Variants in ZFP64 observed in about 807,000 individuals in gnomAD.
ZFP64 encodes the protein zinc finger protein 64.
A neutral mutation model predicts 51.6 loss-of-function variants in ZFP64; 14 were observed. The ratio of observed to expected loss-of-function variants is 0.27; its 90% confidence interval spans 0.18 to 0.42. The LOEUF is 0.42. Ranked by LOEUF, ZFP64 falls within the 10% of genes least tolerant of loss-of-function variation. The pLI is 1.00. For missense variants in ZFP64, 754 were observed against 906.8 expected (o/e 0.83, Z 2.16); for synonymous variants, 375 against 361.4 (o/e 1.04, Z -0.43).
At chr20:52,135,533 G>A (rs925907128) in intron 5 of ZFP64, among the ~76,000 whole-genome samples, 4 of 152,050 alleles carry the variant, frequency 2.6e-5, no homozygotes, top group Non-Finnish European at 2.9e-5. Flanking sequence ...AGTCTGGAGT[G>A]CAGTGGTGTG....
intron 7 of ZFP64, among the ~76,000 whole-genome samples, chr20:52,090,748 G>A (rs1027735855): frequency 1.3e-5 from 2 of 151,422 alleles, no homozygotes; most frequent in Admixed American, 6.6e-5. Context: ...GCAGTGAGCC[G>A]AGATCGTGCC....
rs771671628 is a variant in ZFP64, at chr20:52,111,197, ATTTTTTTTTTTT to A, written c.764-12622_764-12611del. The A allele has an allele frequency of 1.5e-5, 7 of 466,594 alleles. No individual in the cohort carries two copies. The East Asian group carries it at 1.5e-4, about 10-fold the overall frequency. 28.9% of individuals were successfully genotyped at this position (466,594 alleles called of 1,614,324 possible). On this transcript the variant is annotated intron_variant, in intron 5 of 8. Transcript: ENST00000361387. Reference sequence around the variant, plus strand: ...GGAGAACGCCCCAAGTCAGCGGTCAATTTTTTTTTTTTTTTTTTTTTTTTTTGAGACGGAGTT... The same window carrying A: ...GGAGAACGCCCCAAGTCAGCGGTCAATTTTTTTTTTTTTTGAGACGGAGTT...
chr20:52,084,721 C>A (rs2078845447), exon 9 of ZFP64: 1 of 1,614,120 alleles, frequency 6.2e-7, no homozygotes, highest in Admixed American at 1.7e-5. Context: ...AGAGAGTCAT[C>A]CCTGACGAAG....
intron 2 of ZFP64, among the ~76,000 whole-genome samples, chr20:52,168,854 A>C (rs1276867564): frequency 1.3e-5 from 2 of 152,222 alleles, no homozygotes; most frequent in African/African-American, 2.4e-5. Context: ...AACTCAATAC[A>C]TACAGTTCCA....
intron 7 of ZFP64, among the ~76,000 whole-genome samples, chr20:52,094,691 C>T (rs891265646): frequency 1.3e-5 from 2 of 152,180 alleles, no homozygotes; most frequent in Admixed American, 6.5e-5. Context: ...CCTGATTGCA[C>T]TACTGCATTC....
intron 5 of ZFP64, among the ~76,000 whole-genome samples, chr20:52,099,530 T>C (rs925517445): frequency 6.6e-6 from 1 of 152,194 alleles, no homozygotes; most frequent in Non-Finnish European, 1.5e-5. Context: ...TGGCTCCTGA[T>C]TAGAATATGC....
At chr20:52,187,096 C>T (rs765723575) in intron 1 of ZFP64, 25 bp from the exon 2 acceptor site, 12 of 1,586,802 alleles carry the variant, frequency 7.6e-6, no homozygotes, top group East Asian at 2.3e-5. Flanking sequence ...GGGAAAGTAA[C>T]GGATTAATTC....
chr20:52,145,835 C>T (rs553712144), intron 5 of ZFP64, among the ~76,000 whole-genome samples: 1 of 152,182 alleles, frequency 6.6e-6, no homozygotes. Context: ...CTTATAAACA[C>T]TGTACACTTA....
rs10669415 is a variant in ZFP64, at chr20:52,180,547, C to CAAAA, written c.286+6281_286+6284dup. On this transcript the variant is annotated intron_variant, in intron 2 of 5. Transcript: ENST00000216923. Reference sequence around the variant, plus strand: ...AAGAGTAGGAATTAACCAGAAATGGCAAAAAAAAAAAAAAAAAAAAAATCA... The same window carrying CAAAA: ...AAGAGTAGGAATTAACCAGAAATGGCAAAAAAAAAAAAAAAAAAAAAAAAAATCA... 3.1e-3 allele frequency among the ~76,000 whole-genome samples: 267 copies of CAAAA among 87,060 alleles called. 1 individual carries two copies. Among genetic ancestry groups the CAAAA allele is most frequent in the African/African-American group, 9.9e-3 (213 of 21,408 alleles). 57.1% of individuals were successfully genotyped at this position (87,060 alleles called of 152,430 possible).
intron 7 of ZFP64, chr20:52,097,199 C>G: frequency 1.2e-6 from 1 of 820,384 alleles, no homozygotes; most frequent in Non-Finnish European, 2.2e-6. Context: ...CTGGGAATCA[C>G]TTCATCTTCA....
intron 5 of ZFP64, among the ~76,000 whole-genome samples, chr20:52,125,633 G>A (rs1237500694): frequency 1.3e-5 from 2 of 152,228 alleles, no homozygotes; most frequent in Admixed American, 6.5e-5. Flanking sequence ...CCTAGGGCAT[G>A]GGAGGAGTAG....
intron 5 of ZFP64, chr20:52,110,329 C>T (rs776584107): frequency 2.0e-6 from 1 of 489,838 alleles, no homozygotes; most frequent in Non-Finnish European, 3.7e-6. Context: ...CCCTGGAAAA[C>T]CATAGAGAGC....
intron 4 of ZFP64, among the ~76,000 whole-genome samples, chr20:52,162,774 G>A (rs1712163529): frequency 6.6e-6 from 1 of 152,210 alleles, no homozygotes; most frequent in South Asian, 2.1e-4. Context: ...CTGGGCAAAT[G>A]CTGGATGTTG....
intron 2 of ZFP64, among the ~76,000 whole-genome samples, chr20:52,179,189 T>C (rs1437817066): frequency 6.6e-6 from 1 of 152,194 alleles, no homozygotes; most frequent in Non-Finnish European, 1.5e-5. Flanking sequence ...CAAGCTCTTA[T>C]CTCTTGTCTG....
At chr20:52,111,679 T>C (rs112791209) in intron 5 of ZFP64, among the ~76,000 whole-genome samples, 2,092 of 152,294 alleles carry the variant, frequency 0.014, 48 homozygotes, top group African/African-American at 0.047. Flanking sequence ...TTCTGAATTA[T>C]ACAACAGATT....
At position 52,191,511 on chromosome 20, in the gene ZFP64, C is replaced by G; in HGVS notation, c.46+80G>C. The G allele has an allele frequency of 7.1e-7, 1 of 1,416,336 alleles. No individual in the cohort carries two copies. The highest frequency in any genetic ancestry group is 9.2e-7 in the Non-Finnish European group (1 of 1,083,194). The allele number at this position is 1,416,336 out of a possible 1,614,324, so 87.7% of individuals were successfully genotyped here. A position where few individuals can be genotyped will look rare whatever the true frequency, so the allele number is the denominator to read the frequency against. ...TTCGGGGCCCCGGGCCTGCTGGCTG[C>G]GTCGCAGACGTGCTTGGGCCCGGGC... On this transcript the variant is annotated intron_variant, in intron 1 of 5. Transcript: ENST00000216923. The surrounding 1 kb of genome is among the most constrained non-coding windows in gnomAD (Gnocchi z 4.3).
At chr20:52,090,539 A>G (rs1281099077) in intron 7 of ZFP64, among the ~76,000 whole-genome samples, 5 of 152,078 alleles carry the variant, frequency 3.3e-5, no homozygotes, top group Admixed American at 1.3e-4. Context: ...GGTGGCTCAC[A>G]CCTGTAATCC....
downstream of ZFP64, among the ~76,000 whole-genome samples, chr20:52,149,447 T>C (rs903171766): frequency 3.9e-5 from 6 of 152,086 alleles, no homozygotes; most frequent in African/African-American, 1.4e-4. Flanking sequence ...CACAGGACTG[T>C]CAATAAATGG....
intron 5 of ZFP64, among the ~76,000 whole-genome samples, chr20:52,159,505 A>G (rs1044401380): frequency 1.3e-5 from 2 of 152,246 alleles, no homozygotes; most frequent in African/African-American, 4.8e-5. Context: ...TATAAACTTC[A>G]TGATTTTCCC....
Sources: gnomAD v4.1 joint callset for allele counts (sites outside exome capture counted in the v4.1 genomes callset) on GRCh38, gnomAD v4.1.1 for gene constraint, Gnocchi (gnomAD v3.1) non-coding constraint, MANE v1.5 for transcripts, NCBI Gene and HGNC (gene_info 2026-07-23, HGNC 2026-07-21) for gene names.